The following COL6A3 variants were observed in gnomAD, a reference collection of about 807,000 sequenced individuals.
COL6A3 encodes the protein collagen alpha-3(VI) chain.
In COL6A3, 137 loss-of-function variants were observed where a neutral mutation model predicts 274.1. The ratio of observed to expected loss-of-function variants is 0.50; its 90% CI spans 0.44 to 0.58. The LOEUF (loss-of-function observed/expected upper bound fraction) is 0.58. Among genes scored for constraint, COL6A3 ranks in the 20% least tolerant of loss-of-function variants. The pLI, the probability that COL6A3 is intolerant of heterozygous loss-of-function variation, is 0.00. For synonymous variants in COL6A3, 1,650 were observed against 1,650.6 expected (o/e 1.00, Z 0.01); for missense variants, 3,950 against 4,124.9 (o/e 0.96, Z 1.16).
intron 3 of COL6A3, 44 bp downstream of exon 3, chr2:237,394,543 C>A: frequency 6.2e-7 from 1 of 1,612,688 alleles, no homozygotes; most frequent in Non-Finnish European, 8.5e-7. Context: ...GCTCATCTCC[C>A]AAGAACAGCA....
chr2:237,344,743 G>A lies in COL6A3; in HGVS notation c.7275C>T (p.Val2425=), dbSNP rs749075993. 8.7e-6 allele frequency: 14 copies of A among 1,602,352 alleles called. No homozygotes were observed. The South Asian group carries it at 1.6e-4, about 18-fold the overall frequency. The stretch of plus-strand genomic sequence containing the variant: ...TGGTCAGGTCATTCACAATACTCAA[G>A]ACCACATCTCGCATCCGGCCGAAAG... The part of the protein sequence containing the change: ...QDTFGRMRDV[V]LSIVNDLTIA... Residue 2425 remains valine (V), a synonymous_variant, in exon 36 of 44, where the codon GTC becomes GTT. Transcript: ENST00000295550. The surrounding 1 kb of genome is among the most constrained non-coding windows in gnomAD (Gnocchi z 4.8).
intron 2 of COL6A3, among the ~76,000 whole-genome samples, chr2:237,395,485 G>A (rs1559280658): frequency 6.6e-6 from 1 of 152,124 alleles, no homozygotes; most frequent in African/African-American, 2.4e-5. Context: ...CAATTTCCTG[G>A]GCTGTCTTTA....
intron 3 of COL6A3, among the ~76,000 whole-genome samples, chr2:237,390,622 A>G (rs1279829782): frequency 6.6e-6 from 1 of 152,254 alleles, no homozygotes; most frequent in Non-Finnish European, 1.5e-5. Flanking sequence ...ACAGTGTCCA[A>G]GGAAAATTCA....
intron 1 of COL6A3, among the ~76,000 whole-genome samples, chr2:237,398,847 C>T (rs568952954): frequency 3.9e-5 from 6 of 152,252 alleles, no homozygotes; most frequent in East Asian, 1.9e-4. Context: ...AGGCCATTGG[C>T]GACACAGGTA....
chr2:237,384,536 T>C (rs192731070), intron 4 of COL6A3, among the ~76,000 whole-genome samples: 9 of 152,172 alleles, frequency 5.9e-5, no homozygotes, highest in Admixed American at 3.3e-4. Context: ...TGGACATTCC[T>C]GGAGAAGACC....
Position 237,381,184 on chromosome 2 carries a change from T to A in COL6A3, c.1628A>T (p.Tyr543Phe). Reference protein sequence around the residue: ...RNNLFTSSAGYRAAEGIPKLL... With the variant: ...RNNLFTSSAGFRAAEGIPKLL... Reference sequence around the variant, plus strand: ...CTTAGGAATCCCCTCGGCAGCCCGGTAGCCGGCTGAACTCGTGAATAGGTT... The same window carrying A: ...CTTAGGAATCCCCTCGGCAGCCCGGAAGCCGGCTGAACTCGTGAATAGGTT... The change falls in exon 5 of 44, where the codon TAC (tyrosine) becomes TTC (phenylalanine). Residue 543 changes from tyrosine to phenylalanine, a missense_variant. Physicochemically the swap from Tyr to Phe is conservative, Grantham distance 22. This residue lies in a region of COL6A3 where 1,934 missense variants were observed against 1,984.3 expected (regional missense o/e 0.97). Transcript: ENST00000295550. 1 of 1,614,278 alleles carries A rather than the reference T, an allele frequency of 6.2e-7. No homozygotes were observed. The highest frequency in any genetic ancestry group is 2.2e-5 in the East Asian group (1 of 44,886).
intron 1 of COL6A3, among the ~76,000 whole-genome samples, chr2:237,405,447 C>T (rs914920865): frequency 2.0e-5 from 3 of 152,216 alleles, no homozygotes; most frequent in African/African-American, 7.2e-5. Flanking sequence ...AGATGACCAC[C>T]CGCCCTCTTC....
In COL6A3 at chr2:237,368,520, T is replaced by A. The variant is rs1238254185; in HGVS notation, c.4900+43A>T. 5.0e-6 allele frequency: 8 copies of A among 1,594,960 alleles called. No homozygotes were observed. The Admixed American group carries it at 1.2e-4, about 24-fold the overall frequency. On this transcript the variant is annotated intron_variant, in intron 10 of 43. Transcript: ENST00000295550. This position sits in a 1 kb window ranked among gnomAD's most constrained non-coding sequence, Gnocchi z 4.4. ...ATTACTTTTTTAACTAAAAAAAAAA[T>A]GTTGATGTCACACTCTGTAGTCATG...
chr2:237,402,869 AG>A (rs1377524519), intron 1 of COL6A3, among the ~76,000 whole-genome samples: 1 of 152,152 alleles, frequency 6.6e-6, no homozygotes, highest in Non-Finnish European at 1.5e-5. Flanking sequence ...GGGCTCTGCA[AG>A]TCTTCATGGT....
At chr2:237,357,518 T>C in intron 22 of COL6A3, 127 bp from the exon 23 acceptor site, 1 of 921,330 alleles carries the variant, frequency 1.1e-6, no homozygotes, top group South Asian at 1.3e-5. Context: ...GCAGGACAGT[T>C]GCACACTTTG....
intron 38 of COL6A3, 88 bp downstream of exon 38, chr2:237,340,364 G>C: frequency 1.6e-6 from 2 of 1,223,282 alleles, no homozygotes; most frequent in Non-Finnish European, 2.4e-6. Flanking sequence ...TCAACACATC[G>C]GTTGTCTTTT....
intron 23 of COL6A3, chr2:237,356,677 G>C (rs980453756): frequency 1.9e-5 from 3 of 155,904 alleles, no homozygotes; most frequent in African/African-American, 7.2e-5. Context: ...TCCTCTGAGA[G>C]GTTACAAACT....
In COL6A3 at chr2:237,378,733, A is replaced by T. The variant is rs374774989; in HGVS notation, c.2400T>A (p.Asp800Glu). ...GCAAAGCTGGCAGGGAGCTGAAATC[A>T]TCCATGAGATACACCAGGCTTGGGT... ...AFNPSLVYLMDDFSSLPALPQ... is the reference protein window; with the variant it reads ...AFNPSLVYLMEDFSSLPALPQ... Residue 800 changes from aspartate (D) to glutamate (E), a missense_variant, in exon 6 of 44, where the codon GAT (aspartate) becomes GAA (glutamate). By Grantham distance (45) the Asp-to-Glu change is conservative (BLOSUM62 2). Transcript: ENST00000295550. 10 of 1,614,008 alleles carry T rather than the reference A, an allele frequency of 6.2e-6. No homozygotes were observed. Among genetic ancestry groups the T allele is most frequent in the African/African-American group, 1.3e-5 (1 of 74,944 alleles).
chr2:237,410,546 C>T (rs2078832902), intron 1 of COL6A3, among the ~76,000 whole-genome samples: 1 of 152,132 alleles, frequency 6.6e-6, no homozygotes, highest in Non-Finnish European at 1.5e-5. Flanking sequence ...CTCAAGCGAT[C>T]CGCCCACCTC....
chr2:237,385,961 A>G (rs73093775), intron 4 of COL6A3, among the ~76,000 whole-genome samples: 8,385 of 152,278 alleles, frequency 0.055, 562 homozygotes, highest in African/African-American at 0.15. Context: ...CACAGAATTG[A>G]CCTTTCAAAC....
rs759811929 is a variant in COL6A3, at chr2:237,364,387, A to G, written c.5880T>C (p.Ala1960=). The G allele has an allele frequency of 1.9e-6, 3 of 1,614,128 alleles. No individual in the cohort carries two copies. In the Admixed American group the frequency reaches 5.0e-5, roughly 27 times the overall value. ...HFTDGADGDL[A]DLHRASENLR... is the part of the protein sequence containing the mutation. ...GGTTCTCAGATGCTCTGTGTAAATC[A>G]GCCAGATCTCCGTCTGCTCCATCAG... Residue 1960 remains alanine (A), a synonymous_variant, in exon 13 of 44, where the codon GCT becomes GCC. Transcript: ENST00000295550. The surrounding 1 kb of genome is among the most constrained non-coding windows in gnomAD (Gnocchi z 4.6).
Position 237,381,059 on chromosome 2 carries a change from T to C in COL6A3, c.1753A>G (p.Lys585Glu), listed in dbSNP as rs2077990834. ...TCCAGCTCAGCCTGATCGGCACCCT[T>C]GTTCCCAATGGCAAAGGCCATTATG... ...SSIMAFAIGN[K>E]GADQAELEEI... The change falls in exon 5 of 44, where the codon AAG (lysine) becomes GAG (glutamate). Residue 585 changes from lysine to glutamate, a missense_variant. This residue lies in a region of COL6A3 where 1,934 missense variants were observed against 1,984.3 expected (regional missense o/e 0.97). Coordinates refer to ENST00000295550, the MANE Select transcript of COL6A3 (RefSeq NM_004369.4). 6.2e-7 allele frequency: 1 copy of C among 1,614,236 alleles called. No individual in the cohort carries two copies. The highest frequency in any genetic ancestry group is 8.5e-7 in the Non-Finnish European group (1 of 1,180,038).
chr2:237,364,127 C>A lies in COL6A3; in HGVS notation c.5917+223G>T, dbSNP rs1177111010. On this transcript the variant is annotated intron_variant, in intron 13 of 43. Transcript: ENST00000295550. This position sits in a 1 kb window ranked among gnomAD's most constrained non-coding sequence, Gnocchi z 4.6. ...GAACATTCTACCACCTGAACAGCCA[C>A]AACACAACAGTAAAGCTGTCTAAGT... Among the ~76,000 whole-genome samples the A allele has an allele frequency of 6.6e-6, 1 of 152,144 alleles. No individual in the cohort carries two copies. The highest frequency in any genetic ancestry group is 1.5e-5 in the Non-Finnish European group (1 of 68,030).
chr2:237,406,571 C>T (rs562219921), intron 1 of COL6A3, among the ~76,000 whole-genome samples: 1 of 152,100 alleles, frequency 6.6e-6, no homozygotes, highest in African/African-American at 2.4e-5. Flanking sequence ...CTCATCCACC[C>T]TTGCCTTTGC....
Sources: gnomAD v4.1 joint callset for allele counts (sites outside exome capture counted in the v4.1 genomes callset) on GRCh38, gnomAD v4.1.1 for gene constraint, gnomAD v4.1.1 regional missense constraint, Gnocchi (gnomAD v3.1) non-coding constraint, MANE v1.5 for transcripts, NCBI Gene and HGNC (gene_info 2026-07-23, HGNC 2026-07-21) for gene names.